PLXNA4: variants seen among roughly 807,000 people sequenced by gnomAD.
PLXNA4 encodes the protein plexin A4.
PLXNA4 carries 44 observed loss-of-function variants against 191.8 expected under a neutral mutation model. The ratio of observed to expected loss-of-function variants is 0.23; its 90% CI spans 0.18 to 0.29. The LOEUF is 0.29. Ranked by LOEUF, PLXNA4 falls within the 10% of genes least tolerant of loss-of-function variation. The pLI is 1.00. For missense variants in PLXNA4, 1,800 were observed against 2,488.8 expected (o/e 0.72, Z 5.89); for synonymous variants, 1,082 against 1,009.5 (o/e 1.07, Z -1.36).
rs147908715 is a variant in PLXNA4, at chr7:132,520,997, C to A, written c.-86-12218G>T. 6.9e-3 allele frequency among the ~76,000 whole-genome samples: 1,047 copies of A among 151,970 alleles called. 6 individuals are homozygous for A. Among genetic ancestry groups the A allele is most frequent in the African/African-American group, 0.024 (999 of 41,462 alleles). On this transcript the variant is annotated intron_variant, in intron 1 of 31. Transcript: ENST00000321063. ...CCCCCTCTCTTCTTTCTCAATTCCC[C>A]GAAAAATCAGGAAGTGAACAGTTGT...
At chr7:132,188,503 G>A (rs1461143050) in intron 14 of PLXNA4, among the ~76,000 whole-genome samples, 1 of 152,140 alleles carries the variant, frequency 6.6e-6, no homozygotes, top group Non-Finnish European at 1.5e-5. Context: ...TCCCCTTGGA[G>A]ATGCTTTGAT....
Position 132,547,749 on chromosome 7 carries a change from G to A in PLXNA4, c.-87+28673C>T, listed in dbSNP as rs74894832. On this transcript the variant is annotated intron_variant, in intron 1 of 31. Coordinates refer to ENST00000321063, the MANE Select transcript of PLXNA4 (RefSeq NM_020911.2). ...GACCCCACAAATATACCCACCAGGA[G>A]AATCAAATCAGGGTCTGCGGAGGCA... 1.0e-3 allele frequency among the ~76,000 whole-genome samples: 156 copies of A among 152,278 alleles called. 1 individual carries two copies. Among genetic ancestry groups the A allele is most frequent in the African/African-American group, 3.6e-3 (151 of 41,554 alleles).
intron 1 of PLXNA4, among the ~76,000 whole-genome samples, chr7:132,561,964 CCTT>C (rs1449037650): frequency 6.3e-5 from 9 of 141,924 alleles, no homozygotes; most frequent in African/African-American, 1.1e-4. Context: ...TCCTCCTCCT[CCTT>C]ATCCTCCTCC....
chr7:132,276,434 G>A (rs1193297561), intron 4 of PLXNA4, among the ~76,000 whole-genome samples: 3 of 151,966 alleles, frequency 2.0e-5, no homozygotes, highest in African/African-American at 2.4e-5. Context: ...ACCCTTTTCT[G>A]CAATGACCCC....
chr7:132,436,228 G>A (rs1258556154), intron 3 of PLXNA4, among the ~76,000 whole-genome samples: 4 of 152,270 alleles, frequency 2.6e-5, no homozygotes, highest in Middle Eastern at 3.4e-3. Context: ...ACCCAAACAC[G>A]CTGCAAATCA....
rs912665907 is a variant in PLXNA4, at chr7:132,211,083, T to C, written c.2158A>G (p.Ile720Val). 12 of 1,600,308 alleles carry C rather than the reference T, an allele frequency of 7.5e-6. No homozygotes were observed. Among genetic ancestry groups the C allele is most frequent in the African/African-American group, 2.7e-5 (2 of 74,694 alleles). The change falls in exon 10 of 32, where the codon ATC becomes GTC. Residue 720 changes from isoleucine (I) to valine (V), a missense_variant. Physicochemically the swap from Ile to Val is conservative, Grantham distance 29. Transcript: ENST00000321063. Reference protein sequence around the residue: ...ILVPVEVIKPITLKAKNLPQP... With the variant: ...ILVPVEVIKPVTLKAKNLPQP... The stretch of plus-strand genomic sequence containing the variant: ...GGGAGGTTCTTGGCCTTCAGCGTGA[T>C]AGGCTTGATCACCTCCACGGGCACC...
chr7:132,268,579 A>G (rs908523518), intron 4 of PLXNA4, among the ~76,000 whole-genome samples: 3 of 152,200 alleles, frequency 2.0e-5, no homozygotes, highest in Non-Finnish European at 4.4e-5. Flanking sequence ...TCTTATTTAC[A>G]TAGGAGCAGA....
chr7:132,508,575 A>G lies in PLXNA4; in HGVS notation c.119T>C (p.Phe40Ser), dbSNP rs141077562. 5.7e-4 allele frequency: 922 copies of G among 1,614,128 alleles called. 3 individuals are homozygous for G. Among genetic ancestry groups the G allele is most frequent in the African/African-American group, 5.6e-3 (423 of 75,054 alleles). The stretch of plus-strand genomic sequence containing the variant: ...GGCGGGCTCTCCTCGGAATGTGACA[A>G]ATGACCGCTGCTTCTGGGACAGCGG... Reference protein sequence around the residue: ...PAPLSQKQRSFVTFRGEPAEG... With the variant: ...PAPLSQKQRSSVTFRGEPAEG... Residue 40 changes from phenylalanine to serine, a missense_variant, in exon 2 of 32, where the codon TTT becomes TCT. By Grantham distance (155) the Phe-to-Ser change is radical. This residue lies in a region of PLXNA4 where 1,397 missense variants were observed against 1,880.4 expected (regional missense o/e 0.74). Coordinates refer to ENST00000321063, the MANE Select transcript of PLXNA4 (RefSeq NM_020911.2). The surrounding 1 kb of genome is among the most constrained non-coding windows in gnomAD (Gnocchi z 4.4).
chr7:132,534,944 T>C (rs75944106), intron 1 of PLXNA4, among the ~76,000 whole-genome samples: 5,632 of 152,286 alleles, frequency 0.037, 293 homozygotes, highest in African/African-American at 0.11. Context: ...CGATTTACTG[T>C]GTTATTTCAC....
chr7:132,583,908 A>C (rs1482285944), intron 2 of PLXNA4, among the ~76,000 whole-genome samples: 1 of 152,236 alleles, frequency 6.6e-6, no homozygotes, highest in Non-Finnish European at 1.5e-5. Context: ...GGGGAGGGCC[A>C]ATCGTGCCAT....
At chr7:132,296,946 T>C (rs1349522886) in intron 4 of PLXNA4, among the ~76,000 whole-genome samples, 1 of 152,052 alleles carries the variant, frequency 6.6e-6, no homozygotes. Flanking sequence ...GGTCCCAGTA[T>C]GGCTGAAGTC....
chr7:132,240,792 A>G (rs1798851459), intron 5 of PLXNA4, among the ~76,000 whole-genome samples: 1 of 152,174 alleles, frequency 6.6e-6, no homozygotes, highest in African/African-American at 2.4e-5. Flanking sequence ...CCTCCAATGT[A>G]TGATTGCCCA....
At chr7:132,454,695 A>G (rs1467909660) in intron 3 of PLXNA4, among the ~76,000 whole-genome samples, 3 of 151,908 alleles carry the variant, frequency 2.0e-5, no homozygotes, top group African/African-American at 7.3e-5. Flanking sequence ...ATGCAAACTG[A>G]CTGGTGTCCT....
At chr7:132,276,146 C>G (rs1800269374) in intron 4 of PLXNA4, among the ~76,000 whole-genome samples, 1 of 152,168 alleles carries the variant, frequency 6.6e-6, no homozygotes, top group Non-Finnish European at 1.5e-5. Context: ...CCCTGGTCCC[C>G]TCCAGAATGT....
chr7:132,590,564 T>G (rs1244869788), intron 2 of PLXNA4, among the ~76,000 whole-genome samples: 1 of 152,134 alleles, frequency 6.6e-6, no homozygotes, highest in Non-Finnish European at 1.5e-5. Flanking sequence ...AGTCTGATGT[T>G]TGAGGGCAGG....
At chr7:132,274,035 A>G (rs1800178963) in intron 4 of PLXNA4, among the ~76,000 whole-genome samples, 1 of 152,112 alleles carries the variant, frequency 6.6e-6, no homozygotes, top group Non-Finnish European at 1.5e-5. Context: ...ACATGGATAA[A>G]GGTTAAAAGC....
At chr7:132,157,588 AC>A (rs1795834390) in intron 25 of PLXNA4, among the ~76,000 whole-genome samples, 1 of 152,152 alleles carries the variant, frequency 6.6e-6, no homozygotes, top group Non-Finnish European at 1.5e-5. Context: ...TTCTGGCACA[AC>A]TTTGCAATCT....
chr7:132,145,407 T>A, intron 28 of PLXNA4, 119 bp from the exon 29 acceptor site: 2 of 1,381,992 alleles, frequency 1.4e-6, no homozygotes, highest in Non-Finnish European at 2.0e-6. Context: ...CCTACTTGGG[T>A]AAAATTGGGT....
At chr7:132,446,546 A>C (rs933568140) in intron 3 of PLXNA4, among the ~76,000 whole-genome samples, 1 of 152,194 alleles carries the variant, frequency 6.6e-6, no homozygotes, top group African/African-American at 2.4e-5. Context: ...CTCTGACTCT[A>C]TCTCTCTTAG....
Sources: allele counts gnomAD v4.1 joint callset (sites outside exome capture counted in the v4.1 genomes callset), GRCh38; gene constraint gnomAD v4.1.1; regional missense constraint gnomAD v4.1.1; non-coding constraint Gnocchi (gnomAD v3.1); transcripts MANE v1.5; gene names NCBI Gene and HGNC (gene_info 2026-07-23, HGNC 2026-07-21).